Variants in ZNF763 observed in about 807,000 individuals in gnomAD.
ZNF763 encodes the protein zinc finger protein 763.
A neutral mutation model predicts 38.0 loss-of-function variants in ZNF763; 33 were observed. That is an observed-to-expected ratio of 0.87 (90% CI 0.66 to 1.16). ZNF763 has a LOEUF of 1.16. Ranked by LOEUF, ZNF763 falls within the 50% of genes most tolerant of loss-of-function variation. ZNF763 has a pLI of 0.00. For synonymous variants in ZNF763, 155 were observed against 160.1 expected (o/e 0.97, Z 0.24); for missense variants, 423 against 469.1 (o/e 0.90, Z 0.91).
At chr19:11,969,296 C>T (rs572476691) in intron 1 of ZNF763, among the ~76,000 whole-genome samples, 3 of 152,174 alleles carry the variant, frequency 2.0e-5, no homozygotes, top group African/African-American at 4.8e-5. Flanking sequence ...GTAAAGACAG[C>T]GTTTTATCAC....
chr19:11,972,084 A>G (rs1305363392), intron 1 of ZNF763, among the ~76,000 whole-genome samples: 1 of 151,990 alleles, frequency 6.6e-6, no homozygotes, highest in Non-Finnish European at 1.5e-5. Context: ...AAAGAAAAGA[A>G]AAGAAATTAG....
Position 11,979,182 on chromosome 19 carries a change from G to T in ZNF763, c.*73G>T, listed in dbSNP as rs944127647. ...GACATGAAAAAACTCACACTGGAGA[G>T]AAACCCTATAAATGCATGCCATGTG... On this transcript the variant is annotated 3_prime_UTR_variant, in exon 4 of 4. Transcript: ENST00000358987. 6.2e-7 allele frequency: 1 copy of T among 1,612,098 alleles called. No individual in the cohort carries two copies. Among genetic ancestry groups the T allele is most frequent in the Non-Finnish European group, 8.5e-7 (1 of 1,179,584 alleles).
Position 11,978,939 on chromosome 19 carries a change from C to T in ZNF763, c.1015C>T (p.Pro339Ser). The stretch of plus-strand genomic sequence containing the variant: ...TAAAAGGAGTCACACGGGAGAGAAG[C>T]CTTATCAATGTAAGGAATGTAGAAA... ...RHKRSHTGEKPYQCKECRKAF... is the reference protein window; with the variant it reads ...RHKRSHTGEKSYQCKECRKAF... Residue 339 changes from proline (P) to serine (S), a missense_variant, in exon 4 of 4, where the codon CCT becomes TCT. By Grantham distance (74) the Pro-to-Ser change is moderately conservative (BLOSUM62 -1). Transcript: ENST00000358987. 1 of 1,614,158 alleles carries T rather than the reference C, an allele frequency of 6.2e-7. No individual in the cohort carries two copies. Among genetic ancestry groups the T allele is most frequent in the Admixed American group, 1.7e-5 (1 of 60,010 alleles).
intron 1 of ZNF763, among the ~76,000 whole-genome samples, chr19:11,973,549 T>C (rs1256345028): frequency 2.0e-5 from 3 of 152,058 alleles, no homozygotes; most frequent in African/African-American, 7.3e-5. Flanking sequence ...TTCCATTCTA[T>C]GGGTGTTACC....
chr19:11,965,801 G>A (rs1477039866), intron 1 of ZNF763, among the ~76,000 whole-genome samples: 1 of 152,160 alleles, frequency 6.6e-6, no homozygotes, highest in Non-Finnish European at 1.5e-5. Flanking sequence ...GAGTGGTCCC[G>A]AGGCGGCTCA....
Position 11,979,634 on chromosome 19 carries a change from A to G in ZNF763, c.*525A>G. On this transcript the variant is annotated 3_prime_UTR_variant, in exon 4 of 4. Transcript: ENST00000358987. ...CACTGGAGAGAAACCCTATGAGTGT[A>G]AGCAATGTGGGAAAGCCTTCAGATC... The G allele has an allele frequency of 1.2e-6, 2 of 1,605,712 alleles. No individual in the cohort carries two copies. Among genetic ancestry groups the G allele is most frequent in the Admixed American group, 1.7e-5 (1 of 59,718 alleles).
At position 11,978,712 on chromosome 19, in the gene ZNF763, A is replaced by G. The variant is rs367986946; in HGVS notation, c.788A>G (p.Lys263Arg). ...CCTTATGAATGTCAGCAATGTGGGA[A>G]AGCATTCCATAGTTCCAGTTCTTTT... Reference protein sequence around the residue: ...EKPYECQQCGKAFHSSSSFQA... With the variant: ...EKPYECQQCGRAFHSSSSFQA... Residue 263 changes from lysine to arginine, a missense_variant, in exon 4 of 4, where the codon AAA (lysine) becomes AGA (arginine). Physicochemically the swap from Lys to Arg is conservative, Grantham distance 26. Transcript: ENST00000358987. 1.4e-5 allele frequency: 23 copies of G among 1,614,194 alleles called. No homozygotes were observed. In the African/African-American group the frequency reaches 3.1e-4, roughly 22 times the overall value.
At chr19:11,971,600 C>T (rs964956758) in intron 1 of ZNF763, among the ~76,000 whole-genome samples, 3 of 152,018 alleles carry the variant, frequency 2.0e-5, no homozygotes, top group South Asian at 2.1e-4. Flanking sequence ...TAACTGTAGT[C>T]GTATTTCAAA....
intron 1 of ZNF763, 197 bp from the exon 2 acceptor site, chr19:11,976,841 G>A: frequency 7.0e-7 from 1 of 1,419,002 alleles, no homozygotes; most frequent in Non-Finnish European, 9.2e-7. Flanking sequence ...GCAACAAGTT[G>A]TTGTTTTGAA....
chr19:11,974,125 C>T (rs142466559), intron 1 of ZNF763, among the ~76,000 whole-genome samples: 2,652 of 60,402 alleles, frequency 0.044, 36 homozygotes, highest in Admixed American at 0.057. Flanking sequence ...TTCTTTCTTT[C>T]TTTTCTTTCT....
chr19:11,975,961 G>T (rs1294375024), intron 1 of ZNF763, among the ~76,000 whole-genome samples: 1 of 150,950 alleles, frequency 6.6e-6, no homozygotes, highest in East Asian at 2.0e-4. Context: ...CATCTATCTA[G>T]CTACACTCTG....
chr19:11,974,126 T>TTTC (rs1177618111), intron 1 of ZNF763, among the ~76,000 whole-genome samples: 3,731 of 53,998 alleles, frequency 0.069, 61 homozygotes, highest in Non-Finnish European at 0.073. Flanking sequence ...TCTTTCTTTC[T>TTTC]TTTCTTTCTT....
At chr19:11,977,518 G>A (rs532723300) in intron 3 of ZNF763, 87 bp downstream of exon 3, 1 of 1,476,064 alleles carries the variant, frequency 6.8e-7, no homozygotes, top group South Asian at 1.2e-5. Context: ...AAAGAACTAA[G>A]TCCAGTATCA....
rs1443170563 is a variant in ZNF763 at position 11,978,263 on chromosome 19, A to G, written c.339A>G (p.Glu113=). 6.2e-7 allele frequency: 1 copy of G among 1,614,124 alleles called. No homozygotes were observed. The highest frequency in any genetic ancestry group is 2.2e-5 in the East Asian group (1 of 44,862). Residue 113 remains glutamate, a synonymous_variant, in exon 4 of 4, where the codon GAA becomes GAG. Transcript: ENST00000358987. ...AKSCDNFVCG[E]VGIGNSSFNM... ...CATGTGATAACTTTGTATGTGGAGA[A>G]GTTGGCATAGGTAACTCATCTTTTA...
intron 1 of ZNF763, among the ~76,000 whole-genome samples, chr19:11,966,218 C>A (rs570617367): frequency 1.3e-5 from 2 of 152,070 alleles, no homozygotes; most frequent in Non-Finnish European, 2.9e-5. Context: ...CATGAATGTG[C>A]GTCAGTTGCT....
At chr19:11,968,251 A>G (rs1414683640) in intron 1 of ZNF763, among the ~76,000 whole-genome samples, 1 of 147,664 alleles carries the variant, frequency 6.8e-6, no homozygotes, top group Non-Finnish European at 1.5e-5. Flanking sequence ...AGGTACAATA[A>G]TTTAATTTTT....
At chr19:11,974,126 T>TTTTCTTTCTTTC (rs369346711) in intron 1 of ZNF763, among the ~76,000 whole-genome samples, 43 of 55,088 alleles carry the variant, frequency 7.8e-4, no homozygotes, top group South Asian at 3.6e-3. Flanking sequence ...TCTTTCTTTC[T>TTTTCTTTCTTTC]TTTCTTTCTT....
chr19:11,972,096 C>A (rs2145332042), intron 1 of ZNF763, among the ~76,000 whole-genome samples: 1 of 151,498 alleles, frequency 6.6e-6, no homozygotes, highest in South Asian at 2.1e-4. Context: ...AGAAATTAGT[C>A]CAGCCTGGGT....
At position 11,980,145 on chromosome 19, in the gene ZNF763, CA is replaced by C; in HGVS notation, c.*1039del. On this transcript the variant is annotated 3_prime_UTR_variant, in exon 4 of 4. Coordinates refer to ENST00000358987, the MANE Select transcript of ZNF763 (RefSeq NM_001367172.2). ...GGTAGGACTCACACTGGATAGAAAC[CA>C]AAGCAGGTGAATCACCTGAGGTCAG... 1.3e-6 allele frequency: 1 copy of C among 746,176 alleles called. No homozygotes were observed. The highest frequency in any genetic ancestry group is 1.6e-5 in the South Asian group (1 of 63,878). The allele number at this position is 746,176 out of a possible 1,614,324, so 46.2% of individuals were successfully genotyped here.
Sources: gnomAD v4.1 joint callset for allele counts (sites outside exome capture counted in the v4.1 genomes callset) on GRCh38, gnomAD v4.1.1 for gene constraint, MANE v1.5 for transcripts, NCBI Gene and HGNC (gene_info 2026-07-23, HGNC 2026-07-21) for gene names.